The following YTHDF1 variants were observed in gnomAD, a reference collection of about 807,000 sequenced individuals.
YTHDF1 encodes YTH N6-methyladenosine RNA binding protein F1, also known as YTH domain-containing family protein 1.
A neutral mutation model predicts 49.1 loss-of-function variants in YTHDF1; 16 were observed. The observed-to-expected ratio is 0.33, with a 90% CI of 0.22 to 0.49. The LOEUF (loss-of-function observed/expected upper bound fraction) is 0.49. Ranked by LOEUF, YTHDF1 falls within the 20% of genes least tolerant of loss-of-function variation. The probability of loss-of-function intolerance (pLI) is 0.99; values close to 1 mark genes in which losing one functional copy is unlikely to be tolerated. For synonymous variants in YTHDF1, 313 were observed against 290.1 expected (o/e 1.08, Z -0.80); for missense variants, 621 against 744.3 (o/e 0.83, Z 1.93).
intron 2 of YTHDF1, among the ~76,000 whole-genome samples, chr20:63,215,347 G>T (rs953994755): frequency 6.6e-6 from 1 of 152,220 alleles, no homozygotes; most frequent in Admixed American, 6.5e-5. Flanking sequence ...TGATCATGCG[G>T]TGGGGAGAGA....
chr20:63,213,757 C>T, intron 3 of YTHDF1, 107 bp downstream of exon 3: 1 of 1,002,954 alleles, frequency 1.0e-6, no homozygotes, highest in Non-Finnish European at 1.5e-6. Flanking sequence ...ACTTTATAGT[C>T]TGCTGCTTTG....
intron 3 of YTHDF1, among the ~76,000 whole-genome samples, chr20:63,205,315 G>T (rs2066540633): frequency 6.6e-6 from 1 of 152,212 alleles, no homozygotes; most frequent in South Asian, 2.1e-4. Context: ...TCACTGGAGG[G>T]GTGACCACAA....
At position 63,203,353 on chromosome 20, in the gene YTHDF1, C is replaced by G. The variant is rs2066528552; in HGVS notation, c.587G>C (p.Ser196Thr). ...GMVGLKIGDVSSSAVKTVGSV... is the reference protein window; with the variant it reads ...GMVGLKIGDVTSSAVKTVGSV... ...GCCCACCGTCTTGACGGCGGAGGAG[C>G]TGACGTCCCCAATCTTCAGGCCAAC... The change falls in exon 4 of 5, where the codon AGC (serine) becomes ACC (threonine). Residue 196 changes from serine (S) to threonine (T), a missense_variant. Physicochemically the swap from Ser to Thr is moderately conservative, Grantham distance 58. Coordinates refer to ENST00000370339, the MANE Select transcript of YTHDF1 (RefSeq NM_017798.4). This position sits in a 1 kb window ranked among gnomAD's most constrained non-coding sequence, Gnocchi z 4.4. The G allele has an allele frequency of 6.2e-7, 1 of 1,613,020 alleles. No homozygotes were observed. The highest frequency in any genetic ancestry group is 8.5e-7 in the Non-Finnish European group (1 of 1,179,712).
intron 4 of YTHDF1, among the ~76,000 whole-genome samples, chr20:63,198,296 T>A (rs1027331171): frequency 6.6e-6 from 1 of 151,352 alleles, no homozygotes. Context: ...AAAAAAAAAT[T>A]TGGCAGGGCA....
intron 2 of YTHDF1, among the ~76,000 whole-genome samples, chr20:63,215,344 G>A (rs1467360606): frequency 1.3e-5 from 2 of 152,198 alleles, no homozygotes; most frequent in African/African-American, 4.8e-5. Context: ...CCATGATCAT[G>A]CGGTGGGGAG....
At chr20:63,201,853 ATGCCCTACG>A (rs1331326707) in intron 4 of YTHDF1, among the ~76,000 whole-genome samples, 4 of 152,236 alleles carry the variant, frequency 2.6e-5, no homozygotes, top group Admixed American at 2.6e-4. Context: ...TGGGGTCTCG[ATGCCCTACG>A]TGCCCACCGC....
In YTHDF1 at chr20:63,203,918, T is replaced by C. The variant is rs1204028554; in HGVS notation, c.133-111A>G. On this transcript the variant is annotated intron_variant, in intron 3 of 4. Coordinates refer to ENST00000370339, the MANE Select transcript of YTHDF1 (RefSeq NM_017798.4). This position sits in a 1 kb window ranked among gnomAD's most constrained non-coding sequence, Gnocchi z 4.4. ...GAGCAAAAACAAAACCTGCACAGCA[T>C]GGGGCTACTCCTTCCAGAAAGAAAG... is the stretch of plus-strand genomic sequence containing the variant. The C allele has an allele frequency of 3.0e-6, 3 of 984,252 alleles. No individual in the cohort carries two copies. Among genetic ancestry groups the C allele is most frequent in the East Asian group, 2.6e-5 (1 of 37,954 alleles). The allele number at this position is 984,252 out of a possible 1,614,324, so 61.0% of individuals were successfully genotyped here.
chr20:63,214,365 GA>G (rs2066591036), intron 2 of YTHDF1, among the ~76,000 whole-genome samples: 1 of 152,218 alleles, frequency 6.6e-6, no homozygotes, highest in Non-Finnish European at 1.5e-5. Context: ...GGCTGCAACT[GA>G]AGGACTGTTG....
intron 4 of YTHDF1, among the ~76,000 whole-genome samples, chr20:63,197,329 A>G (rs1321823839): frequency 6.6e-6 from 1 of 152,040 alleles, no homozygotes; most frequent in Non-Finnish European, 1.5e-5. Flanking sequence ...GGGGAAGAGC[A>G]TGCCCCTCCC....
At chr20:63,207,656 T>C (rs1483726008) in intron 3 of YTHDF1, among the ~76,000 whole-genome samples, 1 of 152,134 alleles carries the variant, frequency 6.6e-6, no homozygotes, top group East Asian at 1.9e-4. Flanking sequence ...CACTTCCACA[T>C]GCTAGGCGCC....
At chr20:63,214,610 T>C (rs1239988578) in intron 2 of YTHDF1, among the ~76,000 whole-genome samples, 1 of 152,140 alleles carries the variant, frequency 6.6e-6, no homozygotes, top group Non-Finnish European at 1.5e-5. Flanking sequence ...GCGGGACAAC[T>C]TGAAGCAGGG....
chr20:63,199,984 G>A (rs2066510439), intron 4 of YTHDF1, among the ~76,000 whole-genome samples: 1 of 152,140 alleles, frequency 6.6e-6, no homozygotes, highest in Non-Finnish European at 1.5e-5. Context: ...AGCCCAGGAG[G>A]TCAAGGCTAC....
rs1181779486 is a variant in YTHDF1, at chr20:63,203,626, A to G, written c.314T>C (p.Phe105Ser). Reference sequence around the variant, plus strand: ...GTTCCCCAGGCCCCCAGGCTGCCCAAAAACAGCATCGTGCATAAAATGATG... The same window carrying G: ...GTTCCCCAGGCCCCCAGGCTGCCCAGAAACAGCATCGTGCATAAAATGATG... ...GDHHFMHDAV[F>S]GQPGGLGNNI... Residue 105 changes from phenylalanine (F) to serine (S), a missense_variant, in exon 4 of 5, where the codon TTT becomes TCT. Physicochemically the swap from Phe to Ser is radical, Grantham distance 155. Around this residue, in one of 2 missense-constraint regions of YTHDF1, gnomAD observed 470 missense variants for 495.8 expected, o/e 0.95. Coordinates refer to ENST00000370339, the MANE Select transcript of YTHDF1 (RefSeq NM_017798.4). This position sits in a 1 kb window ranked among gnomAD's most constrained non-coding sequence, Gnocchi z 4.4. 1 of 1,614,036 alleles carries G rather than the reference A, an allele frequency of 6.2e-7. No homozygotes were observed. The highest frequency in any genetic ancestry group is 2.2e-5 in the East Asian group (1 of 44,898).
At chr20:63,209,339 T>C (rs1433454165) in intron 3 of YTHDF1, among the ~76,000 whole-genome samples, 2 of 152,284 alleles carry the variant, frequency 1.3e-5, no homozygotes, top group African/African-American at 4.8e-5. Context: ...ACTACTTTTT[T>C]AAAAGCTTTA....
intron 3 of YTHDF1, among the ~76,000 whole-genome samples, chr20:63,210,352 T>C (rs969297149): frequency 6.6e-6 from 1 of 152,200 alleles, no homozygotes; most frequent in African/African-American, 2.4e-5. Context: ...GCGGCATCTA[T>C]TCCCAACTCA....
rs1262817531 is a variant in YTHDF1, at chr20:63,216,121, G to GCGGCGGCGACAGCAGCGGCGA, written c.-230_-229insTCGCCGCTGCTGTCGCCGCCG. 2 of 172,720 alleles carry GCGGCGGCGACAGCAGCGGCGA rather than the reference G, an allele frequency of 1.2e-5. No individual in the cohort carries two copies. Among genetic ancestry groups the GCGGCGGCGACAGCAGCGGCGA allele is most frequent in the African/African-American group, 2.4e-5 (1 of 41,452 alleles). 10.7% of individuals were successfully genotyped at this position (172,720 alleles called of 1,614,324 possible). On this transcript the variant is annotated 5_prime_UTR_variant, in exon 1 of 5. Coordinates refer to ENST00000370339, the MANE Select transcript of YTHDF1 (RefSeq NM_017798.4). ...GGAGGCGTCGACTCCAATGGCGGCG[G>GCGGCGGCGACAGCAGCGGCGA]CGGCGGCGACAGCAGCGGCGACGGC...
chr20:63,215,482 A>G (rs976281998), intron 2 of YTHDF1, 95 bp downstream of exon 2: 2 of 1,549,828 alleles, frequency 1.3e-6, no homozygotes, highest in Non-Finnish European at 1.8e-6. Flanking sequence ...GGCGGAAGAG[A>G]GAAAGTTTCC....
chr20:63,215,743 G>A lies in YTHDF1; in HGVS notation c.27+123C>T, dbSNP rs557862312. On this transcript the variant is annotated intron_variant, in intron 1 of 4. Transcript: ENST00000370339. ...CGCGGTCACGTGCGACCCCGGCCCCGAGACCCCGGTCCCGCCTGGGCCCGG... is the reference window on the plus strand; with the variant it reads ...CGCGGTCACGTGCGACCCCGGCCCCAAGACCCCGGTCCCGCCTGGGCCCGG... 1,565 of 1,377,512 alleles carry A rather than the reference G, an allele frequency of 1.1e-3. 16 individuals are homozygous for A. The South Asian group carries it at 0.014, about 12-fold the overall frequency. The allele number at this position is 1,377,512 out of a possible 1,614,324, so 85.3% of individuals were successfully genotyped here. A position where few individuals can be genotyped will look rare whatever the true frequency, so the allele number is the denominator to read the frequency against.
At position 63,203,038 on chromosome 20, in the gene YTHDF1, A is replaced by T. The variant is rs1601233765; in HGVS notation, c.902T>A (p.Val301Glu). 3.1e-6 allele frequency: 5 copies of T among 1,606,908 alleles called. No homozygotes were observed. Among genetic ancestry groups the T allele is most frequent in the Non-Finnish European group, 4.3e-6 (5 of 1,175,730 alleles). The change falls in exon 4 of 5, where the codon GTG becomes GAG. Residue 301 changes from valine (V) to glutamate (E), a missense_variant. Transcript: ENST00000370339. This position sits in a 1 kb window ranked among gnomAD's most constrained non-coding sequence, Gnocchi z 4.4. The part of the protein sequence containing the change: ...SPQAAPQPQQ[V>E]AQPLPAQPPA... ...GGGCTGTGCTGGGAGAGGCTGAGCCACCTGCTGGGGCTGTGGGGCAGCCTG... is the reference window on the plus strand; with the variant it reads ...GGGCTGTGCTGGGAGAGGCTGAGCCTCCTGCTGGGGCTGTGGGGCAGCCTG...
Sources: allele counts gnomAD v4.1 joint callset (sites outside exome capture counted in the v4.1 genomes callset), GRCh38; gene constraint gnomAD v4.1.1; regional missense constraint gnomAD v4.1.1; non-coding constraint Gnocchi (gnomAD v3.1); transcripts MANE v1.5; gene names NCBI Gene and HGNC (gene_info 2026-07-23, HGNC 2026-07-21).